Variants in GRM8 observed in about 807,000 individuals in gnomAD.
GRM8 encodes metabotropic glutamate receptor 8.
In GRM8, 47 loss-of-function variants were observed where a neutral mutation model predicts 87.2. The observed-to-expected ratio is 0.54, with a 90% CI of 0.43 to 0.69. The LOEUF (loss-of-function observed/expected upper bound fraction) is 0.69. GRM8 is among the 30% of genes least tolerant of loss of function. The pLI is 0.00. For missense variants in GRM8, 1,019 were observed against 1,139.2 expected (o/e 0.89, Z 1.52); for synonymous variants, 396 against 404.5 (o/e 0.98, Z 0.25).
chr7:127,000,784 G>A (rs1415958875), intron 3 of GRM8, among the ~76,000 whole-genome samples: 1 of 151,574 alleles, frequency 6.6e-6, no homozygotes, highest in Non-Finnish European at 1.5e-5. Context: ...GGAAATATTG[G>A]TGACACGACG....
chr7:127,094,792 G>A (rs1317061946), intron 3 of GRM8, among the ~76,000 whole-genome samples: 1 of 152,104 alleles, frequency 6.6e-6, no homozygotes, highest in Admixed American at 6.5e-5. Flanking sequence ...CTGAAAACAG[G>A]GACCACACAG....
Position 127,222,332 on chromosome 7 carries a change from C to T in GRM8, c.510+20363G>A, listed in dbSNP as rs539291391. On this transcript the variant is annotated intron_variant, in intron 2 of 10. Coordinates refer to ENST00000339582, the MANE Select transcript of GRM8 (RefSeq NM_000845.3). ...CTGAGGCATGAGAATCCCTTGGAAC[C>T]GGGAGGCGGAGACTGTGGGGAGCTG... Among the ~76,000 whole-genome samples the T allele has an allele frequency of 1.7e-4, 26 of 152,294 alleles. 1 individual carries two copies. Among genetic ancestry groups the T allele is most frequent in the East Asian group, 3.9e-4 (2 of 5,180 alleles).
At chr7:127,121,879 G>A (rs1021328265) in intron 2 of GRM8, among the ~76,000 whole-genome samples, 1 of 152,144 alleles carries the variant, frequency 6.6e-6, no homozygotes, top group African/African-American at 2.4e-5. Flanking sequence ...AATTCCACAT[G>A]GGATTTGGGT....
intron 7 of GRM8, among the ~76,000 whole-genome samples, chr7:126,750,891 C>A (rs1442585918): frequency 1.3e-5 from 2 of 151,996 alleles, no homozygotes; most frequent in African/African-American, 4.8e-5. Flanking sequence ...ATAGTAATTA[C>A]CTTAATCACC....
At chr7:126,768,209 T>C (rs868767906) in intron 7 of GRM8, among the ~76,000 whole-genome samples, 5 of 152,030 alleles carry the variant, frequency 3.3e-5, no homozygotes, top group South Asian at 4.1e-4. Context: ...TACATAATTA[T>C]ATTTTTGTGT....
intron 3 of GRM8, among the ~76,000 whole-genome samples, chr7:126,948,808 C>T (rs1807826261): frequency 6.6e-6 from 1 of 152,214 alleles, no homozygotes; most frequent in Admixed American, 6.5e-5. Flanking sequence ...CAGCCTACTG[C>T]CACTCATGGC....
intron 1 of GRM8, among the ~76,000 whole-genome samples, chr7:127,247,423 C>T (rs1467457742): frequency 6.6e-6 from 1 of 152,210 alleles, no homozygotes; most frequent in Non-Finnish European, 1.5e-5. Context: ...AGCAGCATTC[C>T]TATGCTGCAT....
intron 9 of GRM8, among the ~76,000 whole-genome samples, chr7:126,471,182 C>A (rs1394013202): frequency 3.9e-5 from 6 of 152,084 alleles, no homozygotes; most frequent in African/African-American, 1.4e-4. Flanking sequence ...TGTGCAGAAG[C>A]TCTTTAGTTT....
At chr7:126,568,763 T>C (rs1794452339) in intron 8 of GRM8, among the ~76,000 whole-genome samples, 1 of 152,120 alleles carries the variant, frequency 6.6e-6, no homozygotes, top group South Asian at 2.1e-4. Context: ...TTGATAATCT[T>C]AAAATTAAAT....
chr7:126,591,381 A>G (rs1446772312), intron 8 of GRM8, among the ~76,000 whole-genome samples: 1 of 152,072 alleles, frequency 6.6e-6, no homozygotes, highest in East Asian at 1.9e-4. Flanking sequence ...TTATAAAATG[A>G]TTACTACTAG....
Position 126,728,392 on chromosome 7 carries a change from G to A in GRM8, c.1357+41473C>T, listed in dbSNP as rs6973307. ...GGACCCCAGCTGGCTGGCTCACAGC[G>A]GGAGTAGAAGAAAAGATCCCATTGC... On this transcript the variant is annotated intron_variant, in intron 7 of 10. Coordinates refer to ENST00000339582, the MANE Select transcript of GRM8 (RefSeq NM_000845.3). 4.9e-3 allele frequency among the ~76,000 whole-genome samples: 742 copies of A among 152,096 alleles called. 3 individuals are homozygous for A. Among genetic ancestry groups the A allele is most frequent in the African/African-American group, 0.017 (700 of 41,450 alleles).
chr7:127,080,172 T>C (rs1822708350), intron 3 of GRM8, among the ~76,000 whole-genome samples: 1 of 151,506 alleles, frequency 6.6e-6, no homozygotes, highest in Admixed American at 6.6e-5. Context: ...GGCAGAGGAG[T>C]CATAAATGAG....
intron 7 of GRM8, among the ~76,000 whole-genome samples, chr7:126,642,254 C>T (rs1477672404): frequency 6.6e-6 from 1 of 152,156 alleles, no homozygotes; most frequent in Admixed American, 6.5e-5. Context: ...GTATTTGATG[C>T]TCATCCCTGT....
chr7:126,453,598 C>A (rs1377118887), intron 9 of GRM8, among the ~76,000 whole-genome samples: 2 of 151,570 alleles, frequency 1.3e-5, no homozygotes. Context: ...GAAAGAACCA[C>A]GTAAGGAAGC....
intron 6 of GRM8, among the ~76,000 whole-genome samples, chr7:126,842,831 G>T (rs895057460): frequency 2.0e-5 from 3 of 152,140 alleles, no homozygotes; most frequent in African/African-American, 7.2e-5. Flanking sequence ...ATGCAGTCCT[G>T]CTGACACCTT....
intron 7 of GRM8, among the ~76,000 whole-genome samples, chr7:126,614,240 C>T (rs62477891): frequency 0.31 from 46,764 of 151,946 alleles, 8,066 homozygotes; most frequent in East Asian, 0.43. Context: ...ACTCTGCAGC[C>T]TCCACTGCTG....
intron 6 of GRM8, among the ~76,000 whole-genome samples, chr7:126,830,629 T>C (rs1795273041): frequency 6.6e-6 from 1 of 152,208 alleles, no homozygotes; most frequent in Admixed American, 6.5e-5. Flanking sequence ...AGTTTTCAAC[T>C]TCTTTGCCTT....
intron 6 of GRM8, among the ~76,000 whole-genome samples, chr7:126,806,715 C>T (rs543820682): frequency 4.8e-4 from 73 of 152,360 alleles, no homozygotes; most frequent in African/African-American, 1.6e-3. Context: ...CGGGACTTTG[C>T]GGCACCTAGC....
intron 6 of GRM8, among the ~76,000 whole-genome samples, chr7:126,774,970 A>G (rs1189639551): frequency 6.6e-6 from 1 of 152,184 alleles, no homozygotes; most frequent in African/African-American, 2.4e-5. Flanking sequence ...TCCAATAAGC[A>G]GTTGGTCAAT....
Sources: allele counts gnomAD v4.1 joint callset (sites outside exome capture counted in the v4.1 genomes callset), GRCh38; gene constraint gnomAD v4.1.1; transcripts MANE v1.5; gene names NCBI Gene and HGNC (gene_info 2026-07-23, HGNC 2026-07-21).